Variants in ACSF3 observed in about 807,000 individuals in gnomAD.
ACSF3 encodes the protein acyl-CoA synthetase family member 3, also known as malonate--CoA ligase ACSF3, mitochondrial.
In ACSF3, 78 loss-of-function variants were observed where a neutral mutation model predicts 53.2. The observed-to-expected ratio is 1.47, with a 90% confidence interval of 1.22 to 1.77. The LOEUF is 1.77. ACSF3 is among the 40% of genes most tolerant of loss of function. The pLI, the probability that ACSF3 is intolerant of heterozygous loss-of-function variation, is 0.00. For missense variants in ACSF3, 937 were observed against 771.1 expected (o/e 1.22, Z -2.55); for synonymous variants, 414 against 333.1 (o/e 1.24, Z -2.65).
chr16:89,128,821 G>A (rs1022380693), intron 7 of ACSF3, among the ~76,000 whole-genome samples: 2 of 152,048 alleles, frequency 1.3e-5, no homozygotes, highest in African/African-American at 4.8e-5. Context: ...GAATGTTCTG[G>A]TGTACTTGAA....
rs2151405540 is a variant in ACSF3, at chr16:89,100,822, C to T, written c.141C>T (p.Phe47=). The T allele has an allele frequency of 6.2e-7, 1 of 1,613,240 alleles. No individual in the cohort carries two copies. Among genetic ancestry groups the T allele is most frequent in the Non-Finnish European group, 8.5e-7 (1 of 1,180,024 alleles). Residue 47 remains phenylalanine (F), a synonymous_variant, in exon 3 of 11, where the codon TTC becomes TTT. Coordinates refer to ENST00000614302, the MANE Select transcript of ACSF3 (RefSeq NM_001243279.3). ...GCTCGGACAGGAGCGCCCCGGTGTTCACCCGTGCCCTGGCCTTTGGGGACA... is the reference window on the plus strand; with the variant it reads ...GCTCGGACAGGAGCGCCCCGGTGTTTACCCGTGCCCTGGCCTTTGGGGACA... ...VARSDRSAPV[F]TRALAFGDRI... is the part of the protein sequence containing the mutation.
At chr16:89,142,652 C>A (rs1165480759) in intron 8 of ACSF3, among the ~76,000 whole-genome samples, 1 of 151,578 alleles carries the variant, frequency 6.6e-6, no homozygotes, top group Non-Finnish European at 1.5e-5. Flanking sequence ...CACACCCACA[C>A]CTGCAGACAG....
intron 4 of ACSF3, among the ~76,000 whole-genome samples, chr16:89,111,375 G>A (rs572683005): frequency 1.2e-4 from 19 of 152,348 alleles, no homozygotes; most frequent in Middle Eastern, 3.4e-3. Flanking sequence ...CTGTGGCATC[G>A]GCATCCGTCG....
At chr16:89,146,509 G>A (rs1912987948) in intron 10 of ACSF3, among the ~76,000 whole-genome samples, 1 of 152,192 alleles carries the variant, frequency 6.6e-6, no homozygotes, top group African/African-American at 2.4e-5. Flanking sequence ...GAACTGCAAG[G>A]CCCACCCATT....
chr16:89,152,587 G>C (rs1914226861), intron 10 of ACSF3: 1 of 151,948 alleles, frequency 6.6e-6, no homozygotes, highest in Non-Finnish European at 1.5e-5. Flanking sequence ...CAGCCTGGGC[G>C]ACAGGGCAAG....
intron 7 of ACSF3, 97 bp from the exon 8 acceptor site, chr16:89,133,039 G>A (rs1377284995): frequency 6.4e-7 from 1 of 1,562,170 alleles, no homozygotes; most frequent in Admixed American, 1.7e-5. Context: ...GCCCTGGGTG[G>A]GCCCTGGGTG....
intron 7 of ACSF3, chr16:89,122,647 G>A (rs570371557): frequency 1.1e-4 from 21 of 185,420 alleles, no homozygotes; most frequent in African/African-American, 2.6e-4. Context: ...AGAGCAGAAC[G>A]TGAGTGGCGT....
intron 3 of ACSF3, among the ~76,000 whole-genome samples, chr16:89,101,857 A>AG (rs1975385062): frequency 6.6e-6 from 1 of 152,238 alleles, no homozygotes; most frequent in South Asian, 2.1e-4. Context: ...AAAGCCAGGA[A>AG]GGGGAAGGCA....
chr16:89,124,491 G>GTGTA (rs56939549), intron 7 of ACSF3, among the ~76,000 whole-genome samples: 105,901 of 150,382 alleles, frequency 0.7, 37,683 homozygotes, highest in Middle Eastern at 0.77. Flanking sequence ...CACACACTGA[G>GTGTA]TGTGTGTTAC....
chr16:89,121,014 T>A, intron 7 of ACSF3, 101 bp downstream of exon 7: 1 of 1,072,464 alleles, frequency 9.3e-7, no homozygotes, highest in Non-Finnish European at 1.4e-6. Flanking sequence ...CAGACTCCCC[T>A]CCACGCAGGG....
At chr16:89,140,435 G>A (rs983071134) in intron 8 of ACSF3, among the ~76,000 whole-genome samples, 2 of 152,230 alleles carry the variant, frequency 1.3e-5, no homozygotes, top group Admixed American at 6.5e-5. Flanking sequence ...TCAGGGCATC[G>A]GCTTGGGCGG....
rs527754301 is a variant in ACSF3, at chr16:89,154,087, C to T, written c.1614-3C>T. ...GCGCCTCAGGCTGTGCTTGTCTCTG[C>T]AGAAATGTCCTGGCCCCGTACGCGG... On this transcript the variant is annotated splice_polypyrimidine_tract_variant and splice_region_variant and intron_variant, in intron 10 of 10. Transcript: ENST00000614302. 2 of 1,612,388 alleles carry T rather than the reference C, an allele frequency of 1.2e-6. No individual in the cohort carries two copies. The highest frequency in any genetic ancestry group is 1.3e-5 in the African/African-American group (1 of 75,048).
intron 7 of ACSF3, among the ~76,000 whole-genome samples, chr16:89,132,349 A>G (rs1909512133): frequency 6.6e-6 from 1 of 152,112 alleles, no homozygotes; most frequent in African/African-American, 2.4e-5. Context: ...TGCCCTCCCC[A>G]GACCCTCCTG....
intron 6 of ACSF3, 193 bp downstream of exon 6, chr16:89,114,680 C>G: frequency 1.3e-6 from 1 of 796,342 alleles, no homozygotes. Flanking sequence ...CAGCCTTCTC[C>G]CAAGTCTCAG....
At chr16:89,097,364 G>C (rs1031850365) in intron 1 of ACSF3, among the ~76,000 whole-genome samples, 7 of 152,338 alleles carry the variant, frequency 4.6e-5, no homozygotes, top group African/African-American at 1.2e-4. Flanking sequence ...TCTATATTGA[G>C]TGAGTGTCGC....
intron 3 of ACSF3, chr16:89,102,253 G>A (rs1000347357): frequency 5.0e-5 from 19 of 377,792 alleles, no homozygotes; most frequent in African/African-American, 3.5e-4. Context: ...GCTGGGAGTC[G>A]ATTCCAGCCT....
At chr16:89,143,286 GGA>G (rs1271689466) in intron 8 of ACSF3, among the ~76,000 whole-genome samples, 2 of 152,166 alleles carry the variant, frequency 1.3e-5, no homozygotes, top group Admixed American at 6.5e-5. Context: ...CTTGGAGCCA[GGA>G]CACAGGCAGC....
intron 3 of ACSF3, among the ~76,000 whole-genome samples, chr16:89,102,189 C>G (rs1567687155): frequency 6.6e-6 from 1 of 152,202 alleles, no homozygotes; most frequent in Non-Finnish European, 1.5e-5. Flanking sequence ...GACGATAATT[C>G]ACGAATCGGC....
rs994160606 is a variant in ACSF3 at position 89,100,952 on chromosome 16, G to A, written c.271G>A (p.Gly91Arg). ...CTGCAGGCTCTGCGGGTGTGTCGGC[G>A]GGGACCTCCGGGAGGAGAGGGTCTC... Reference protein sequence around the residue: ...EICRLCGCVGGDLREERVSFL... With the variant: ...EICRLCGCVGRDLREERVSFL... Residue 91 changes from glycine (G) to arginine (R), a missense_variant, in exon 3 of 11, where the codon GGG becomes AGG. Gly to Arg is a moderately radical substitution (Grantham distance 125). Coordinates refer to ENST00000614302, the MANE Select transcript of ACSF3 (RefSeq NM_001243279.3). The A allele has an allele frequency of 6.2e-6, 10 of 1,613,618 alleles. No homozygotes were observed. Among genetic ancestry groups the A allele is most frequent in the African/African-American group, 1.3e-5 (1 of 75,060 alleles).
Sources: allele counts gnomAD v4.1 joint callset (sites outside exome capture counted in the v4.1 genomes callset), GRCh38; gene constraint gnomAD v4.1.1; transcripts MANE v1.5; gene names NCBI Gene and HGNC (gene_info 2026-07-23, HGNC 2026-07-21).